Variants in LRPPRC observed in about 807,000 individuals in gnomAD.
The protein encoded by LRPPRC is leucine-rich PPR motif-containing protein, mitochondrial.
Under a neutral mutation model 180.3 loss-of-function variants are expected in LRPPRC, and 120 were observed. The observed-to-expected ratio is 0.67, with a 90% CI of 0.57 to 0.77. The LOEUF is 0.77. Among genes scored for constraint, LRPPRC ranks in the 30% least tolerant of loss-of-function variants. The pLI is 0.00. For synonymous variants in LRPPRC, 723 were observed against 600.0 expected (o/e 1.21, Z -3.00); for missense variants, 2,012 against 1,657.2 (o/e 1.21, Z -3.72).
chr2:43,947,653 T>C, intron 19 of LRPPRC, 78 bp downstream of exon 19: 1 of 911,046 alleles, frequency 1.1e-6, no homozygotes, highest in Non-Finnish European at 1.8e-6. Context: ...GAATCACTGG[T>C]TTTATAAGTA....
intron 31 of LRPPRC, among the ~76,000 whole-genome samples, chr2:43,905,433 C>T (rs1015163770): frequency 6.6e-6 from 1 of 152,180 alleles, no homozygotes; most frequent in Non-Finnish European, 1.5e-5. Context: ...GTCTGAAGAG[C>T]TGTGATTCAT....
intron 29 of LRPPRC, among the ~76,000 whole-genome samples, chr2:43,913,787 C>G (rs527481631): frequency 6.6e-6 from 1 of 152,172 alleles, no homozygotes; most frequent in Non-Finnish European, 1.5e-5. Context: ...TTGTGAACAA[C>G]TGTATATTCC....
chr2:43,917,996 C>A (rs764524717), intron 29 of LRPPRC, 29 bp downstream of exon 29: 1 of 1,453,712 alleles, frequency 6.9e-7, no homozygotes, highest in East Asian at 2.3e-5. Flanking sequence ...CACCCCCCCA[C>A]ACACACCCCC....
chr2:43,899,804 G>A (rs752221508), intron 32 of LRPPRC, among the ~76,000 whole-genome samples, 199 bp from the exon 33 acceptor site: 1 of 152,184 alleles, frequency 6.6e-6, no homozygotes, highest in Non-Finnish European at 1.5e-5. Flanking sequence ...TCACTAGCTG[G>A]TTCGTGCTGC....
Position 43,975,162 on chromosome 2 carries a change from G to C in LRPPRC, c.793C>G (p.Pro265Ala). The C allele has an allele frequency of 6.2e-7, 1 of 1,613,122 alleles. No individual in the cohort carries two copies. The highest frequency in any genetic ancestry group is 1.7e-5 in the Admixed American group (1 of 60,008). ...LTVMRDAGIE[P>A]GPDTYLALLN... ...AATGCGAGGTATGTGTCTGGACCAG[G>C]CTCAATTCCGGCATCTCTCATCACT... Residue 265 changes from proline (P) to alanine (A), a missense_variant, in exon 7 of 38, where the codon CCT (proline) becomes GCT (alanine). Coordinates refer to ENST00000260665, the MANE Select transcript of LRPPRC (RefSeq NM_133259.4).
intron 23 of LRPPRC, among the ~76,000 whole-genome samples, chr2:43,936,005 C>T (rs113286867): frequency 2.0e-5 from 3 of 152,186 alleles, no homozygotes; most frequent in African/African-American, 7.2e-5. Flanking sequence ...ATCCCTTGAA[C>T]CCGGGAGGTG....
chr2:43,918,190 T>C (rs1671545799), intron 28 of LRPPRC, 57 bp from the exon 29 acceptor site: 3 of 1,590,594 alleles, frequency 1.9e-6, no homozygotes, highest in Admixed American at 1.7e-5. Flanking sequence ...AATATAAAAG[T>C]AGGCTAATCT....
rs1427577971 is a variant in LRPPRC, at chr2:43,886,460, C to A, written c.*2140G>T. On this transcript the variant is annotated 3_prime_UTR_variant, in exon 38 of 38. Coordinates refer to ENST00000260665, the MANE Select transcript of LRPPRC (RefSeq NM_133259.4). ...ATATTTAGAACACTCATAAGCCCAC[C>A]TACAGTATAGTTATTATACTTTAAA... 6.6e-6 allele frequency: 1 copy of A among 152,112 alleles called. No individual in the cohort carries two copies. The highest frequency in any genetic ancestry group is 1.9e-4 in the East Asian group (1 of 5,188). The allele number at this position is 152,112 out of a possible 1,614,324, so 9.4% of individuals were successfully genotyped here.
chr2:43,926,016 T>C, intron 25 of LRPPRC, 55 bp from the exon 26 acceptor site: 2 of 1,033,836 alleles, frequency 1.9e-6, no homozygotes, highest in Non-Finnish European at 3.1e-6. Flanking sequence ...CTGAATATTA[T>C]TTTTTTCCTC....
chr2:43,910,778 G>GT (rs1671228292), intron 30 of LRPPRC, among the ~76,000 whole-genome samples: 1 of 151,948 alleles, frequency 6.6e-6, no homozygotes, highest in African/African-American at 2.4e-5. Flanking sequence ...TGCTACCAGA[G>GT]TAAGTATCAC....
chr2:43,945,996 CA>C, intron 21 of LRPPRC, 116 bp downstream of exon 21: 1 of 1,136,674 alleles, frequency 8.8e-7, no homozygotes, highest in South Asian at 1.3e-5. Context: ...ACACTGACAA[CA>C]AAAGAATTTT....
chr2:43,890,950 C>T (rs775239028), intron 36 of LRPPRC, among the ~76,000 whole-genome samples: 1 of 152,148 alleles, frequency 6.6e-6, no homozygotes, highest in Non-Finnish European at 1.5e-5. Flanking sequence ...CACATAAACC[C>T]CTGCCCTACA....
At chr2:43,953,153 C>T (rs911128514) in intron 14 of LRPPRC, among the ~76,000 whole-genome samples, 1 of 152,214 alleles carries the variant, frequency 6.6e-6, no homozygotes, top group Admixed American at 6.5e-5. Flanking sequence ...TTCTCTGCAG[C>T]CCCTGCCCTG....
intron 29 of LRPPRC, among the ~76,000 whole-genome samples, chr2:43,913,253 C>T (rs1671327436): frequency 6.6e-6 from 1 of 152,162 alleles, no homozygotes; most frequent in Non-Finnish European, 1.5e-5. Context: ...AGTAACTACA[C>T]TTTTCAGTCA....
chr2:43,954,513 C>T (rs974977908), intron 14 of LRPPRC, among the ~76,000 whole-genome samples: 3 of 152,118 alleles, frequency 2.0e-5, no homozygotes, highest in African/African-American at 4.8e-5. Flanking sequence ...GTGTGAATTG[C>T]TAATCTAAGT....
At chr2:43,916,818 G>A (rs1322164680) in intron 29 of LRPPRC, among the ~76,000 whole-genome samples, 1 of 151,704 alleles carries the variant, frequency 6.6e-6, no homozygotes, top group Non-Finnish European at 1.5e-5. Flanking sequence ...GGTGGTGTGT[G>A]CCTATGGTCC....
At position 43,905,689 on chromosome 2, in the gene LRPPRC, T is replaced by C. The variant is rs766165384; in HGVS notation, c.3364+3A>G. 1.2e-6 allele frequency: 2 copies of C among 1,606,458 alleles called. No homozygotes were observed. The highest frequency in any genetic ancestry group is 1.3e-5 in the African/African-American group (1 of 74,778). On this transcript the variant is annotated splice_donor_region_variant and intron_variant, in intron 31 of 37. Transcript: ENST00000260665. ...GACGTAAAGGTCAAGCATTGTGACA[T>C]ACCTTTCAAATAATCCCGCCTAACT...
intron 12 of LRPPRC, among the ~76,000 whole-genome samples, chr2:43,961,113 T>G (rs1305989659): frequency 3.3e-5 from 5 of 152,122 alleles, no homozygotes; most frequent in Admixed American, 1.3e-4. Flanking sequence ...AAAAAACCAC[T>G]TAATCAGCAA....
chr2:43,925,043 G>A (rs761471093), intron 27 of LRPPRC, 24 bp downstream of exon 27: 17 of 1,265,648 alleles, frequency 1.3e-5, no homozygotes, highest in Middle Eastern at 1.8e-4. Context: ...AAATGAAAGC[G>A]TGAAGAATAG....
Sources: allele counts gnomAD v4.1 joint callset (sites outside exome capture counted in the v4.1 genomes callset), GRCh38; gene constraint gnomAD v4.1.1; transcripts MANE v1.5; gene names NCBI Gene and HGNC (gene_info 2026-07-23, HGNC 2026-07-21).